THEMIS: variants seen among roughly 807,000 people sequenced by gnomAD.
THEMIS encodes the protein thymocyte selection associated.
A neutral mutation model predicts 52.6 loss-of-function variants in THEMIS; 37 were observed. That is an observed-to-expected ratio of 0.70 (90% confidence interval 0.54 to 0.93). THEMIS has a LOEUF of 0.93. THEMIS is among the 40% of genes least tolerant of loss of function. The pLI is 0.00. For synonymous variants in THEMIS, 292 were observed against 272.7 expected (o/e 1.07, Z -0.70); for missense variants, 808 against 763.1 (o/e 1.06, Z -0.69).
At chr6:127,898,003 C>T (rs1326370118) in intron 1 of THEMIS, among the ~76,000 whole-genome samples, 2 of 151,542 alleles carry the variant, frequency 1.3e-5, no homozygotes, top group Non-Finnish European at 3.0e-5. Context: ...TAATGTTAAA[C>T]AGATATACCA....
the THEMIS span, among the ~76,000 whole-genome samples, chr6:127,697,538 T>C: frequency 9.8e-5 from 15 of 152,332 alleles, no homozygotes; most frequent in African/African-American, 3.1e-4. Flanking sequence ...AATTCCTTAA[T>C]GTTACCTCCA....
At chr6:127,851,605 T>C (rs1204089470) in intron 2 of THEMIS, among the ~76,000 whole-genome samples, 1 of 151,770 alleles carries the variant, frequency 6.6e-6, no homozygotes, top group Non-Finnish European at 1.5e-5. Flanking sequence ...CCTGAATACA[T>C]GCCATCAGGG....
chr6:127,815,183 T>TA (rs1778084225), intron 3 of THEMIS, among the ~76,000 whole-genome samples: 1 of 151,984 alleles, frequency 6.6e-6, no homozygotes, highest in Admixed American at 6.6e-5. Flanking sequence ...ATAATAAAGT[T>TA]ATGTGTTAAT....
At chr6:127,711,068 T>C (rs1052979360) in intron 5 of THEMIS, among the ~76,000 whole-genome samples, 2 of 151,572 alleles carry the variant, frequency 1.3e-5, no homozygotes, top group Non-Finnish European at 2.9e-5. Flanking sequence ...TTTCTTCTTT[T>C]TTTTCTTCCT....
At chr6:127,833,688 G>A (rs1315659484) in intron 2 of THEMIS, among the ~76,000 whole-genome samples, 1 of 152,074 alleles carries the variant, frequency 6.6e-6, no homozygotes, top group Non-Finnish European at 1.5e-5. Context: ...CTACTTTGAA[G>A]GCTTTGATAG....
At chr6:127,873,229 T>C (rs1441177718) in intron 1 of THEMIS, among the ~76,000 whole-genome samples, 2 of 152,204 alleles carry the variant, frequency 1.3e-5, no homozygotes, top group Non-Finnish European at 2.9e-5. Context: ...CAAATTGATA[T>C]ACAGGTCAAT....
At chr6:127,830,647 C>T (rs1433978172) in intron 2 of THEMIS, among the ~76,000 whole-genome samples, 1 of 151,854 alleles carries the variant, frequency 6.6e-6, no homozygotes, top group African/African-American at 2.4e-5. Flanking sequence ...GATCACTCCA[C>T]TGCACTCCAG....
Position 127,900,981 on chromosome 6 carries a change from G to C in THEMIS, c.-49C>G, listed in dbSNP as rs1364658107. ...GACCTGGTGCTCACAGAAACTTGTGGCTTCTGGGTGACACTTGTCTGCAAT... is the reference window on the plus strand; with the variant it reads ...GACCTGGTGCTCACAGAAACTTGTGCCTTCTGGGTGACACTTGTCTGCAAT... On this transcript the variant is annotated 5_prime_UTR_variant, in exon 1 of 6. Coordinates refer to ENST00000368248, the MANE Select transcript of THEMIS (RefSeq NM_001010923.3). The C allele has an allele frequency of 6.8e-7, 1 of 1,469,570 alleles. No homozygotes were observed. The highest frequency in any genetic ancestry group is 1.7e-5 in the Admixed American group (1 of 59,366). The allele number at this position is 1,469,570 out of a possible 1,614,324, so 91.0% of individuals were successfully genotyped here.
At chr6:127,889,863 C>G (rs1337649762) in intron 1 of THEMIS, among the ~76,000 whole-genome samples, 1 of 152,052 alleles carries the variant, frequency 6.6e-6, no homozygotes, top group African/African-American at 2.4e-5. Context: ...TAATCTAATT[C>G]TATCTATACT....
At chr6:127,903,422 A>G (rs557379308), upstream of THEMIS, among the ~76,000 whole-genome samples, 4 of 152,112 alleles carry the variant, frequency 2.6e-5, no homozygotes, top group African/African-American at 7.2e-5. Context: ...AAAAAACTAG[A>G]CTGTATATAA....
At chr6:127,871,300 T>A (rs970566255) in intron 1 of THEMIS, among the ~76,000 whole-genome samples, 1 of 151,882 alleles carries the variant, frequency 6.6e-6, no homozygotes, top group African/African-American at 2.4e-5. Context: ...TACATACACA[T>A]ACACATACAT....
chr6:127,807,773 T>C (rs1159013313), intron 4 of THEMIS, among the ~76,000 whole-genome samples: 1 of 152,184 alleles, frequency 6.6e-6, no homozygotes, highest in Non-Finnish European at 1.5e-5. Context: ...CCAAACCCTA[T>C]TGATAACAAA....
chr6:127,868,351 G>A lies in THEMIS; in HGVS notation c.92-13163C>T, dbSNP rs6908764. The A allele has an allele frequency of 3.7e-3, 2,849 of 773,004 alleles. 74 individuals carry two copies. In the African/African-American group the frequency reaches 0.05, roughly 14 times the overall value. 47.9% of individuals were successfully genotyped at this position (773,004 alleles called of 1,614,324 possible). ...CAGGGCAGTGTCCTCCTATGGATGGGGCTTTGTTTTCCCTTAATAAAAATT... is the reference window on the plus strand; with the variant it reads ...CAGGGCAGTGTCCTCCTATGGATGGAGCTTTGTTTTCCCTTAATAAAAATT... On this transcript the variant is annotated intron_variant, in intron 1 of 5. Coordinates refer to ENST00000368248, the MANE Select transcript of THEMIS (RefSeq NM_001010923.3).
rs1279073851 is a variant in THEMIS at position 127,708,264 on chromosome 6, C to T, written c.*1721G>A. On this transcript the variant is annotated 3_prime_UTR_variant, in exon 6 of 6. Coordinates refer to ENST00000368248, the MANE Select transcript of THEMIS (RefSeq NM_001010923.3). ...CAATAGGTGAGCATGAAGTTTATTA[C>T]ACTTTTCAATATCAAGACAACTGGA... 2 of 152,054 alleles carry T rather than the reference C, an allele frequency of 1.3e-5. No homozygotes were observed. Among genetic ancestry groups the T allele is most frequent in the Admixed American group, 6.6e-5 (1 of 15,256 alleles). 9.4% of individuals were successfully genotyped at this position (152,054 alleles called of 1,614,324 possible).
chr6:127,881,110 ACTTT>A (rs1283406139), intron 1 of THEMIS, among the ~76,000 whole-genome samples: 1 of 152,070 alleles, frequency 6.6e-6, no homozygotes, highest in Non-Finnish European at 1.5e-5. Context: ...ACTTGAAGTC[ACTTT>A]CTTTCCCATC....
chr6:127,787,804 T>TAGATAGAC (rs1396684375), intron 4 of THEMIS, among the ~76,000 whole-genome samples: 1 of 1,456 alleles, frequency 6.9e-4, no homozygotes, highest in African/African-American at 1.1e-3. Flanking sequence ...CAGTGATAGG[T>TAGATAGAC]AGATAGATAG....
At chr6:127,785,657 C>T (rs1202770714) in intron 4 of THEMIS, among the ~76,000 whole-genome samples, 1 of 151,764 alleles carries the variant, frequency 6.6e-6, no homozygotes, top group Non-Finnish European at 1.5e-5. Context: ...AACTGGTGAA[C>T]CAGGTTAGCC....
chr6:127,731,655 A>G (rs1402200231), intron 4 of THEMIS, among the ~76,000 whole-genome samples: 1 of 143,364 alleles, frequency 7.0e-6, no homozygotes, highest in Non-Finnish European at 1.5e-5. Context: ...TGGAAGAACC[A>G]TTGTACTTCC....
At position 127,882,378 on chromosome 6, in the gene THEMIS, T is replaced by C. The variant is rs1443651444; in HGVS notation, c.91+18464A>G. Among the ~76,000 whole-genome samples the C allele has an allele frequency of 3.3e-5, 5 of 152,014 alleles. No homozygotes were observed. In the East Asian group the frequency reaches 9.6e-4, roughly 29 times the overall value. On this transcript the variant is annotated intron_variant, in intron 1 of 5. Coordinates refer to ENST00000368248, the MANE Select transcript of THEMIS (RefSeq NM_001010923.3). Reference sequence around the variant, plus strand: ...ATTTTAGTGCCCAACCATATAAAATTGACACAAATAGAGAAAATTTAAACT... The same window carrying C: ...ATTTTAGTGCCCAACCATATAAAATCGACACAAATAGAGAAAATTTAAACT...
Sources: gnomAD v4.1 joint callset for allele counts (sites outside exome capture counted in the v4.1 genomes callset) on GRCh38, gnomAD v4.1.1 for gene constraint, MANE v1.5 for transcripts, NCBI Gene and HGNC (gene_info 2026-07-23, HGNC 2026-07-21) for gene names.